Variants in ZGRF1 observed in about 807,000 individuals in gnomAD.
ZGRF1 encodes the protein zinc finger GRF-type containing 1, also known as 5'-3' DNA helicase ZGRF1.
In ZGRF1, 196 loss-of-function variants were observed where a neutral mutation model predicts 203.5. That is an observed-to-expected ratio of 0.96 (90% CI 0.86 to 1.08). The LOEUF (loss-of-function observed/expected upper bound fraction) is 1.08. Ranked by LOEUF, ZGRF1 falls within the 50% of genes least tolerant of loss-of-function variation. ZGRF1 has a pLI of 0.00. For synonymous variants in ZGRF1, 809 were observed against 841.3 expected (o/e 0.96, Z 0.66); for missense variants, 2,326 against 2,416.3 (o/e 0.96, Z 0.78).
At chr4:112,572,662 C>T (rs765119655) in intron 16 of ZGRF1, among the ~76,000 whole-genome samples, 9 of 151,998 alleles carry the variant, frequency 5.9e-5, no homozygotes, top group African/African-American at 1.7e-4. Context: ...ATCTGACAAA[C>T]GATTAACACT....
At position 112,587,871 on chromosome 4, in the gene ZGRF1, A is replaced by G; in HGVS notation, c.3186T>C (p.Ser1062=). The change falls in exon 12 of 28, where the codon AGT becomes AGC. Residue 1062 remains serine, a synonymous_variant. Coordinates refer to ENST00000505019, the MANE Select transcript of ZGRF1 (RefSeq NM_018392.5). ...NENLQRLSLL[S]RTQVPLITLP... is the part of the protein sequence containing the mutation. ...AAGTAATAAGTGGAACCTGGGTTCT[A>G]CTTAATAATGAAAGCCTTTGAAGGT... The G allele has an allele frequency of 6.5e-7, 1 of 1,550,020 alleles. No homozygotes were observed. Among genetic ancestry groups the G allele is most frequent in the Non-Finnish European group, 8.7e-7 (1 of 1,146,574 alleles).
chr4:112,610,622 G>C (rs1488320923), intron 7 of ZGRF1: 1 of 152,112 alleles, frequency 6.6e-6, no homozygotes, highest in Admixed American at 6.6e-5. Flanking sequence ...ACCCAAGAAA[G>C]AAAGTTGTTC....
chr4:112,634,899 TGGC>T (rs1399188611), intron 1 of ZGRF1, among the ~76,000 whole-genome samples: 2 of 151,802 alleles, frequency 1.3e-5, no homozygotes, highest in African/African-American at 4.8e-5. Context: ...TGGGAGGCCA[TGGC>T]GGGTGGATCA....
At chr4:112,546,644 T>A (rs1294375346) in intron 24 of ZGRF1, 2 of 152,198 alleles carry the variant, frequency 1.3e-5, no homozygotes, top group East Asian at 3.9e-4. Context: ...CATAAAAGGA[T>A]GGATTTGTGA....
intron 3 of ZGRF1, among the ~76,000 whole-genome samples, chr4:112,624,663 AG>A (rs1271326581): frequency 1.3e-5 from 2 of 151,220 alleles, no homozygotes; most frequent in African/African-American, 2.5e-5. Flanking sequence ...GTGAGGGGTA[AG>A]GGGGGAAAAA....
chr4:112,588,036 A>G, intron 11 of ZGRF1, 107 bp from the exon 12 acceptor site: 1 of 610,080 alleles, frequency 1.6e-6, no homozygotes, highest in Non-Finnish European at 2.5e-6. Flanking sequence ...CTTGCTCTGA[A>G]AAAAAAAATC....
intron 16 of ZGRF1, among the ~76,000 whole-genome samples, chr4:112,576,817 G>C (rs139445367): frequency 0.02 from 3,085 of 152,136 alleles, 117 homozygotes; most frequent in African/African-American, 0.07. Flanking sequence ...GTACCTGAAA[G>C]TGACAGGGAG....
At position 112,558,159 on chromosome 4, in the gene ZGRF1, A is replaced by T. The variant is rs1334463971; in HGVS notation, c.5111T>A (p.Val1704Glu). Residue 1704 changes from valine to glutamate, a missense_variant, in exon 20 of 28, where the codon GTA (valine) becomes GAA (glutamate). By Grantham distance (121) the Val-to-Glu change is moderately radical. Coordinates refer to ENST00000505019, the MANE Select transcript of ZGRF1 (RefSeq NM_018392.5). ...SSSTNVAVDRVLLGLLSLGFE... is the reference protein window; with the variant it reads ...SSSTNVAVDRELLGLLSLGFE... ...CACTTGTCATGCCTACCCAAGAAGT[A>T]CTCTGTCAACAGCCACATTAGTAGA... is the stretch of plus-strand genomic sequence containing the variant. The T allele has an allele frequency of 6.2e-7, 1 of 1,603,866 alleles. No individual in the cohort carries two copies.
chr4:112,576,168 G>C (rs1181750273), intron 16 of ZGRF1, among the ~76,000 whole-genome samples: 1 of 152,166 alleles, frequency 6.6e-6, no homozygotes, highest in Non-Finnish European at 1.5e-5. Context: ...AGGCAAACAG[G>C]GTCTGGAGTG....
Position 112,547,410 on chromosome 4 carries a change from T to C in ZGRF1, c.5475-2A>G. 2 of 1,599,334 alleles carry C rather than the reference T, an allele frequency of 1.3e-6. No homozygotes were observed. Among genetic ancestry groups the C allele is most frequent in the Non-Finnish European group, 1.7e-6 (2 of 1,175,560 alleles). ...AGAATCAGCTTTTCACACTCAAACC[T>C]AAAACAGAATTTCAAAAATTAATCT... is the stretch of plus-strand genomic sequence containing the variant. On this transcript the variant is annotated splice_acceptor_variant, in intron 23 of 27. Coordinates refer to ENST00000505019, the MANE Select transcript of ZGRF1 (RefSeq NM_018392.5). LOFTEE classifies it high-confidence loss of function.
chr4:112,628,582 G>C (rs1165664204), intron 3 of ZGRF1: 2 of 456,050 alleles, frequency 4.4e-6, no homozygotes, highest in South Asian at 3.1e-5. Context: ...ATTTAAGATT[G>C]AGGGCGTTAT....
chr4:112,580,564 CTCAA>C (rs1056444543), intron 16 of ZGRF1, among the ~76,000 whole-genome samples: 3 of 151,786 alleles, frequency 2.0e-5, no homozygotes, highest in African/African-American at 7.3e-5. Context: ...CTACAATGAA[CTCAA>C]ACAAATTTAC....
intron 3 of ZGRF1, chr4:112,630,042 T>C (rs1325384985): frequency 1.2e-5 from 2 of 172,954 alleles, no homozygotes; most frequent in Non-Finnish European, 1.3e-5. Context: ...AAAAAGCACT[T>C]AGTTTTTTCA....
intron 22 of ZGRF1, among the ~76,000 whole-genome samples, chr4:112,550,978 C>T (rs1281769199): frequency 6.6e-6 from 1 of 152,210 alleles, no homozygotes; most frequent in Non-Finnish European, 1.5e-5. Flanking sequence ...CATTCATGGT[C>T]AGTTAACTAT....
In ZGRF1 at chr4:112,612,520, G is replaced by A. The variant is rs1454073575; in HGVS notation, c.2667+4C>T. 8 of 1,582,866 alleles carry A rather than the reference G, an allele frequency of 5.1e-6. No individual in the cohort carries two copies. Among genetic ancestry groups the A allele is most frequent in the Non-Finnish European group, 6.9e-6 (8 of 1,157,648 alleles). On this transcript the variant is annotated splice_donor_region_variant and intron_variant, in intron 7 of 27. Transcript: ENST00000505019. ...AAACATACTCTTAGAAAAAAAACCT[G>A]TACCTGTTGAGAATCCTTGTGCAGA...
In ZGRF1 at chr4:112,619,112, A is replaced by AAG; in HGVS notation, c.929_930insCT (p.Leu311PhefsTer12). 1 of 1,613,684 alleles carries AAG rather than the reference A, an allele frequency of 6.2e-7. No homozygotes were observed. Among genetic ancestry groups the AAG allele is most frequent in the Non-Finnish European group, 8.5e-7 (1 of 1,179,894 alleles). On this transcript the variant is annotated frameshift_variant, in exon 6 of 28. Coordinates refer to ENST00000505019, the MANE Select transcript of ZGRF1 (RefSeq NM_018392.5). LOFTEE classifies it high-confidence loss of function. Reference sequence around the variant, plus strand: ...TTTCTGATTGATGCTGGTAGTATAAATTTTCTGTGCTCTTCATCTCAGCAC... The same window carrying AAG: ...TTTCTGATTGATGCTGGTAGTATAAAAGTTTTCTGTGCTCTTCATCTCAGCAC...
At chr4:112,561,663 G>T (rs1742002253) in intron 18 of ZGRF1, 1 of 152,134 alleles carries the variant, frequency 6.6e-6, no homozygotes, top group African/African-American at 2.4e-5. Flanking sequence ...CATGGTGCTT[G>T]AGAAATTCAA....
At chr4:112,578,205 G>A (rs1578338741) in intron 16 of ZGRF1, among the ~76,000 whole-genome samples, 1 of 122,748 alleles carries the variant, frequency 8.1e-6, no homozygotes, top group Non-Finnish European at 1.8e-5. Context: ...CAGAAATAAA[G>A]ATGCTCTTTG....
chr4:112,561,082 T>C (rs949375723), intron 18 of ZGRF1, 87 bp from the exon 19 acceptor site: 27 of 1,058,928 alleles, frequency 2.5e-5, no homozygotes, highest in Non-Finnish European at 3.5e-5. Context: ...AGCCATCACT[T>C]TGTAAGCATT....
Sources: allele counts gnomAD v4.1 joint callset (sites outside exome capture counted in the v4.1 genomes callset), GRCh38; gene constraint gnomAD v4.1.1; transcripts MANE v1.5; gene names NCBI Gene and HGNC (gene_info 2026-07-23, HGNC 2026-07-21).